The following OTUD7A variants were observed in gnomAD, a reference collection of about 807,000 sequenced individuals.
OTUD7A encodes the protein OTU deubiquitinase 7A.
In OTUD7A, 12 loss-of-function variants were observed where a neutral mutation model predicts 65.7. That is an observed-to-expected ratio of 0.18 (90% CI 0.12 to 0.30). The LOEUF (loss-of-function observed/expected upper bound fraction) is 0.30. OTUD7A is among the 10% of genes least tolerant of loss of function. The pLI is 1.00. For missense variants in OTUD7A, 1,148 were observed against 1,304.8 expected, an observed-to-expected ratio of 0.88 and a Z score of 1.85; for synonymous variants, 641 against 586.3, an observed-to-expected ratio of 1.09 and a Z score of -1.35.
intron 4 of OTUD7A, among the ~76,000 whole-genome samples, chr15:31,560,116 G>A (rs1369847918): frequency 6.6e-6 from 1 of 152,168 alleles, no homozygotes; most frequent in Non-Finnish European, 1.5e-5. Context: ...GGACTAAATG[G>A]TACAAGGGAG....
chr15:31,819,837 G>A (rs529520854), intron 1 of OTUD7A, among the ~76,000 whole-genome samples: 21 of 151,644 alleles, frequency 1.4e-4, no homozygotes, highest in African/African-American at 3.6e-4. Context: ...ATTTTTATAC[G>A]TAATATCAAA....
intron 1 of OTUD7A, among the ~76,000 whole-genome samples, chr15:31,690,884 G>A (rs1392560531): frequency 3.9e-5 from 6 of 152,258 alleles, no homozygotes; most frequent in Non-Finnish European, 8.8e-5. Flanking sequence ...AGTATTTCTT[G>A]GGTATGACAC....
chr15:31,597,682 T>C (rs1889947550), intron 3 of OTUD7A, among the ~76,000 whole-genome samples: 1 of 152,152 alleles, frequency 6.6e-6, no homozygotes, highest in Non-Finnish European at 1.5e-5. Flanking sequence ...TGGAGGACTG[T>C]CCTCCCCTAG....
At chr15:31,543,732 G>A (rs1888050713) in intron 5 of OTUD7A, among the ~76,000 whole-genome samples, 2 of 151,764 alleles carry the variant, frequency 1.3e-5, no homozygotes, top group South Asian at 4.1e-4. Flanking sequence ...CAATAACATA[G>A]CATTATATTT....
At chr15:31,699,081 C>CT (rs570684880) in intron 1 of OTUD7A, among the ~76,000 whole-genome samples, 3,440 of 128,934 alleles carry the variant, frequency 0.027, 180 homozygotes, top group African/African-American at 0.091. Context: ...GTGATTAATA[C>CT]TTTTTTTTTT....
At chr15:31,828,939 G>A (rs1381796733) in intron 1 of OTUD7A, among the ~76,000 whole-genome samples, 1 of 152,144 alleles carries the variant, frequency 6.6e-6, no homozygotes, top group Non-Finnish European at 1.5e-5. Context: ...GCCTCTGAGT[G>A]TCCATGCATT....
intron 5 of OTUD7A, among the ~76,000 whole-genome samples, chr15:31,547,226 T>C (rs1193825636): frequency 7.3e-6 from 1 of 137,916 alleles, no homozygotes; most frequent in African/African-American, 2.5e-5. Flanking sequence ...TTTTATTTTT[T>C]CCATAAAATG....
chr15:31,578,866 A>G (rs971407146), intron 3 of OTUD7A, among the ~76,000 whole-genome samples: 19 of 152,098 alleles, frequency 1.2e-4, no homozygotes, highest in Admixed American at 1.2e-3. Flanking sequence ...GTACATCTTA[A>G]ATGTATTTGA....
intron 3 of OTUD7A, among the ~76,000 whole-genome samples, chr15:31,639,388 C>G (rs1333358092): frequency 1.3e-5 from 2 of 150,252 alleles, no homozygotes; most frequent in Non-Finnish European, 2.9e-5. Flanking sequence ...GTGTATGTAT[C>G]TACCACCATT....
chr15:31,859,295 T>C (rs1437688596), intron 1 of OTUD7A, among the ~76,000 whole-genome samples: 2 of 152,216 alleles, frequency 1.3e-5, no homozygotes, highest in South Asian at 2.1e-4. Flanking sequence ...ATAGAGCTAA[T>C]CAATGTATGC....
At chr15:31,574,258 C>G (rs1889138852) in intron 3 of OTUD7A, among the ~76,000 whole-genome samples, 1 of 151,672 alleles carries the variant, frequency 6.6e-6, no homozygotes, top group Non-Finnish European at 1.5e-5. Context: ...AAATAAAAAG[C>G]TAAGATAACA....
At position 31,484,138 on chromosome 15, in the gene OTUD7A, C is replaced by G; in HGVS notation, c.1958G>C (p.Arg653Pro). ...IFAGLLLTSHRHQFHEEMIGY... is the reference protein window; with the variant it reads ...IFAGLLLTSHPHQFHEEMIGY... Reference sequence around the variant, plus strand: ...GATCATCTCCTCGTGGAACTGGTGCCGGTGGCTGGTGAGCAGCAGGCCGGC... The same window carrying G: ...GATCATCTCCTCGTGGAACTGGTGCGGGTGGCTGGTGAGCAGCAGGCCGGC... The change falls in exon 13 of 13, where the codon CGG becomes CCG. Residue 653 changes from arginine to proline, a missense_variant. Transcript: ENST00000307050. The surrounding 1 kb of genome is among the most constrained non-coding windows in gnomAD (Gnocchi z 4.5). 9 of 1,609,592 alleles carry G rather than the reference C, an allele frequency of 5.6e-6. No individual in the cohort carries two copies. The highest frequency in any genetic ancestry group is 1.1e-5 in the South Asian group (1 of 90,982).
At chr15:31,838,759 T>C (rs1246335235) in intron 1 of OTUD7A, among the ~76,000 whole-genome samples, 2 of 151,200 alleles carry the variant, frequency 1.3e-5, no homozygotes, top group African/African-American at 4.9e-5. Flanking sequence ...GGGCCCCCAC[T>C]ACTCCTGATT....
chr15:31,535,726 G>C (rs987478202), intron 5 of OTUD7A, among the ~76,000 whole-genome samples: 15 of 148,202 alleles, frequency 1.0e-4, no homozygotes, highest in Admixed American at 1.3e-4. Flanking sequence ...ACCCACGCTG[G>C]AGTGCAGTGG....
chr15:31,659,915 C>T (rs1019630260), intron 1 of OTUD7A, among the ~76,000 whole-genome samples: 1 of 152,254 alleles, frequency 6.6e-6, no homozygotes, highest in African/African-American at 2.4e-5. Flanking sequence ...GGGTGCAAAG[C>T]CCCTGCAACC....
intron 5 of OTUD7A, among the ~76,000 whole-genome samples, chr15:31,537,734 C>A (rs1433088929): frequency 1.3e-5 from 2 of 152,188 alleles, no homozygotes; most frequent in Admixed American, 6.5e-5. Flanking sequence ...GGCTGTAACA[C>A]CTGGAAATCC....
At chr15:31,847,644 T>C (rs1304389883) in intron 1 of OTUD7A, among the ~76,000 whole-genome samples, 2 of 152,178 alleles carry the variant, frequency 1.3e-5, no homozygotes, top group African/African-American at 4.8e-5. Context: ...TGAAAATCAC[T>C]ATTACCATGG....
intron 3 of OTUD7A, among the ~76,000 whole-genome samples, chr15:31,597,293 T>C (rs1005931377): frequency 6.6e-6 from 1 of 152,192 alleles, no homozygotes; most frequent in African/African-American, 2.4e-5. Context: ...ATTCATCATT[T>C]GTCTTCCTTT....
intron 1 of OTUD7A, among the ~76,000 whole-genome samples, chr15:31,817,675 A>C (rs1003516511): frequency 1.3e-5 from 2 of 152,126 alleles, no homozygotes; most frequent in Non-Finnish European, 2.9e-5. Context: ...GCCCACAACT[A>C]AGGTGATGTC....
Sources: gnomAD v4.1 joint callset for allele counts (sites outside exome capture counted in the v4.1 genomes callset) on GRCh38, gnomAD v4.1.1 for gene constraint, Gnocchi (gnomAD v3.1) non-coding constraint, MANE v1.5 for transcripts, NCBI Gene and HGNC (gene_info 2026-07-23, HGNC 2026-07-21) for gene names.